The following IMMP2L variants were observed in gnomAD, a reference collection of about 807,000 sequenced individuals.
IMMP2L encodes the protein inner mitochondrial membrane peptidase subunit 2, also known as mitochondrial inner membrane protease subunit 2.
Under a neutral mutation model 19.3 loss-of-function variants are expected in IMMP2L, and 18 were observed. The observed-to-expected ratio is 0.93, with a 90% CI of 0.64 to 1.38. IMMP2L has a LOEUF of 1.38. Among genes scored for constraint, IMMP2L ranks in the 40% most tolerant of loss-of-function variants. IMMP2L has a pLI of 0.00. For missense variants in IMMP2L, 233 were observed against 218.2 expected, an observed-to-expected ratio of 1.07 and a Z score of -0.43; for synonymous variants, 76 against 73.0, an observed-to-expected ratio of 1.04 and a Z score of -0.21.
intron 5 of IMMP2L, among the ~76,000 whole-genome samples, chr7:110,744,550 G>C (rs1797200938): frequency 6.6e-6 from 1 of 152,224 alleles, no homozygotes; most frequent in Non-Finnish European, 1.5e-5. Context: ...CCAGAGGATA[G>C]AATAGGCAGC....
At chr7:111,041,010 A>T (rs1332719372) in intron 3 of IMMP2L, among the ~76,000 whole-genome samples, 3 of 152,074 alleles carry the variant, frequency 2.0e-5, no homozygotes. Flanking sequence ...TTCACTTACA[A>T]ACATACAATA....
chr7:111,031,991 T>G (rs1316978019), intron 3 of IMMP2L, among the ~76,000 whole-genome samples: 1 of 139,142 alleles, frequency 7.2e-6, no homozygotes. Flanking sequence ...GAGGCTGGAG[T>G]GCAGTGGTGC....
intron 5 of IMMP2L, among the ~76,000 whole-genome samples, chr7:110,691,093 T>C (rs2130542345): frequency 6.6e-6 from 1 of 152,066 alleles, no homozygotes; most frequent in East Asian, 1.9e-4. Context: ...ATAGTAACCT[T>C]GTAGTAGGTA....
At chr7:111,089,446 T>G (rs1460871483) in intron 3 of IMMP2L, among the ~76,000 whole-genome samples, 3 of 152,132 alleles carry the variant, frequency 2.0e-5, no homozygotes, top group Non-Finnish European at 4.4e-5. Context: ...TTTAAGATTA[T>G]TCTTCCATAT....
At position 110,665,964 on chromosome 7, in the gene IMMP2L, T is replaced by C. The variant is rs566439768; in HGVS notation, c.409-2243A>G. On this transcript the variant is annotated intron_variant, in intron 5 of 5. Transcript: ENST00000405709. ...TTCCAAATCTATTCCTTCTTTTGCA[T>C]TTATTAGTTGGCATTGTTCTCTTAA... Among the ~76,000 whole-genome samples the C allele has an allele frequency of 2.0e-4, 30 of 152,340 alleles. No homozygotes were observed. The South Asian group carries it at 4.6e-3, about 23-fold the overall frequency.
chr7:111,091,747 AT>A (rs942519060), intron 3 of IMMP2L, among the ~76,000 whole-genome samples: 26 of 151,820 alleles, frequency 1.7e-4, no homozygotes, highest in African/African-American at 6.1e-4. Context: ...CCATTAGAGG[AT>A]GTGAGTGGGA....
chr7:110,840,650 T>C (rs1584992382), intron 5 of IMMP2L, among the ~76,000 whole-genome samples: 2 of 152,250 alleles, frequency 1.3e-5, no homozygotes, highest in South Asian at 2.1e-4. Flanking sequence ...AAAGTGTATT[T>C]AGAAACATTT....
chr7:110,687,707 T>C (rs888333679), intron 5 of IMMP2L, among the ~76,000 whole-genome samples: 2 of 152,146 alleles, frequency 1.3e-5, no homozygotes, highest in Admixed American at 6.6e-5. Flanking sequence ...AAAGCATGTG[T>C]ACGTAAATAA....
chr7:110,682,473 G>A (rs1792793888), intron 5 of IMMP2L, among the ~76,000 whole-genome samples: 1 of 152,134 alleles, frequency 6.6e-6, no homozygotes, highest in Admixed American at 6.6e-5. Context: ...AAGTTTGTCA[G>A]TTGATTAGAT....
chr7:111,330,049 T>C (rs1484534166), intron 3 of IMMP2L, among the ~76,000 whole-genome samples: 1 of 151,732 alleles, frequency 6.6e-6, no homozygotes, highest in Non-Finnish European at 1.5e-5. Context: ...AATTCTGCAA[T>C]TAGGTAGATT....
intron 3 of IMMP2L, among the ~76,000 whole-genome samples, chr7:111,112,915 T>A (rs1234125492): frequency 6.6e-6 from 1 of 152,224 alleles, no homozygotes; most frequent in East Asian, 1.9e-4. Flanking sequence ...AAAAAATTCT[T>A]TCAAACTGAA....
intron 3 of IMMP2L, among the ~76,000 whole-genome samples, chr7:111,316,258 G>T (rs1301820394): frequency 1.3e-5 from 2 of 152,074 alleles, no homozygotes; most frequent in African/African-American, 4.8e-5. Flanking sequence ...AAAGGCATAA[G>T]AAGCATAAAG....
intron 5 of IMMP2L, among the ~76,000 whole-genome samples, chr7:110,804,889 G>A (rs1348905464): frequency 6.6e-6 from 1 of 152,010 alleles, no homozygotes; most frequent in Non-Finnish European, 1.5e-5. Context: ...CAGAATGTTA[G>A]GTAAGAGAGA....
At chr7:111,039,640 T>C (rs920540325) in intron 3 of IMMP2L, among the ~76,000 whole-genome samples, 1 of 152,226 alleles carries the variant, frequency 6.6e-6, no homozygotes, top group Non-Finnish European at 1.5e-5. Flanking sequence ...AGTATTAACA[T>C]GGTAGTGGTT....
At chr7:111,124,481 G>T in intron 3 of IMMP2L, 1 of 1,613,842 alleles carries the variant, frequency 6.2e-7, no homozygotes, top group Non-Finnish European at 8.5e-7. Flanking sequence ...CAAAGTGCTC[G>T]AATACCATCT....
At chr7:111,542,671 T>C (rs1848595894) in intron 1 of IMMP2L, among the ~76,000 whole-genome samples, 1 of 152,156 alleles carries the variant, frequency 6.6e-6, no homozygotes, top group Non-Finnish European at 1.5e-5. Flanking sequence ...ATACTACTTA[T>C]TTGGAAAAGT....
At position 111,228,957 on chromosome 7, in the gene IMMP2L, C is replaced by T. The variant is rs988289351; in HGVS notation, c.239+258281G>A. Among the ~76,000 whole-genome samples the T allele has an allele frequency of 2.8e-5, 4 of 141,022 alleles. No individual in the cohort carries two copies. In the Admixed American group the frequency reaches 2.9e-4, roughly 10 times the overall value. The allele number at this position is 141,022 out of a possible 152,430, so 92.5% of individuals were successfully genotyped here. On this transcript the variant is annotated intron_variant, in intron 3 of 5. Coordinates refer to ENST00000405709, the MANE Select transcript of IMMP2L (RefSeq NM_032549.4). Reference sequence around the variant, plus strand: ...GTGCAAAGAGGTAATTCAATAAACACTAGCAATGCGTGTGTGTGTGTGTGT... The same window carrying T: ...GTGCAAAGAGGTAATTCAATAAACATTAGCAATGCGTGTGTGTGTGTGTGT...
At chr7:111,385,328 T>C (rs1789150404) in intron 3 of IMMP2L, among the ~76,000 whole-genome samples, 1 of 152,092 alleles carries the variant, frequency 6.6e-6, no homozygotes, top group Non-Finnish European at 1.5e-5. Context: ...AATACAGCAA[T>C]TTGCCCTTTA....
intron 3 of IMMP2L, among the ~76,000 whole-genome samples, chr7:111,143,961 GTTTGGAAAAC>G (rs1228790331): frequency 6.6e-6 from 1 of 152,028 alleles, no homozygotes; most frequent in Admixed American, 6.6e-5. Context: ...ACCCTACCCT[GTTTGGAAAAC>G]TTTAAAAAAT....
Sources: allele counts gnomAD v4.1 joint callset (sites outside exome capture counted in the v4.1 genomes callset), GRCh38; gene constraint gnomAD v4.1.1; transcripts MANE v1.5; gene names NCBI Gene and HGNC (gene_info 2026-07-23, HGNC 2026-07-21).